Variants in DCUN1D2 observed in about 807,000 individuals in gnomAD.
DCUN1D2 encodes defective in cullin neddylation 1 domain containing 2, also known as DCN1-like protein 2.
Under a neutral mutation model 30.9 loss-of-function variants are expected in DCUN1D2, and 29 were observed. The ratio of observed to expected loss-of-function variants is 0.94; its 90% CI spans 0.70 to 1.28. DCUN1D2 has a LOEUF of 1.28. Ranked by LOEUF, DCUN1D2 falls within the 50% of genes most tolerant of loss-of-function variation. The pLI, the probability that DCUN1D2 is intolerant of heterozygous loss-of-function variation, is 0.00. For synonymous variants in DCUN1D2, 121 were observed against 115.3 expected (o/e 1.05, Z -0.32); for missense variants, 325 against 316.9 (o/e 1.03, Z -0.19).
intron 6 of DCUN1D2, among the ~76,000 whole-genome samples, chr13:113,458,872 G>A (rs2044271433): frequency 1.3e-5 from 2 of 152,300 alleles, no homozygotes; most frequent in South Asian, 2.1e-4. Context: ...CACACAGCAG[G>A]CTCCAAAGGC....
intron 4 of DCUN1D2, 38 bp from the exon 5 acceptor site, chr13:113,461,174 C>T (rs1306345783): frequency 6.8e-6 from 9 of 1,330,354 alleles, no homozygotes; most frequent in Middle Eastern, 1.8e-4. Flanking sequence ...GTAAATCTCA[C>T]TCTCTTTTTC....
At chr13:113,458,409 T>C (rs1367201311) in intron 6 of DCUN1D2, among the ~76,000 whole-genome samples, 1 of 152,140 alleles carries the variant, frequency 6.6e-6, no homozygotes. Flanking sequence ...GGGAGCTAAA[T>C]GGACCCCCGC....
intron 4 of DCUN1D2, among the ~76,000 whole-genome samples, chr13:113,472,214 T>C (rs993863331): frequency 8.6e-5 from 13 of 151,978 alleles, no homozygotes; most frequent in Non-Finnish European, 1.9e-4. Context: ...GAAACACAGC[T>C]GCAATACAGA....
At chr13:113,464,961 C>T (rs1434204405) in intron 4 of DCUN1D2, among the ~76,000 whole-genome samples, 1 of 152,230 alleles carries the variant, frequency 6.6e-6, no homozygotes, top group Non-Finnish European at 1.5e-5. Context: ...CTCCATAATA[C>T]TTTTCTGTAT....
chr13:113,480,870 C>A (rs2065708806), intron 2 of DCUN1D2, 127 bp from the exon 3 acceptor site: 1 of 835,284 alleles, frequency 1.2e-6, no homozygotes, highest in South Asian at 2.0e-5. Flanking sequence ...ATACATCAAT[C>A]AATAGGCTGC....
At chr13:113,472,309 T>C (rs997573452) in intron 4 of DCUN1D2, among the ~76,000 whole-genome samples, 8 of 151,838 alleles carry the variant, frequency 5.3e-5, no homozygotes, top group African/African-American at 1.7e-4. Context: ...AATAAAAAAA[T>C]AAAAAGCCTG....
intron 4 of DCUN1D2, among the ~76,000 whole-genome samples, chr13:113,465,512 A>C (rs1054318813): frequency 6.6e-6 from 1 of 151,344 alleles, no homozygotes; most frequent in African/African-American, 2.4e-5. Context: ...AAAAAAAAAA[A>C]CAAACAAACC....
At chr13:113,480,352 T>A in intron 3 of DCUN1D2, 1 of 409,098 alleles carries the variant, frequency 2.4e-6, no homozygotes. Flanking sequence ...ACAAAAGGGA[T>A]TAATATGAAA....
intron 3 of DCUN1D2, among the ~76,000 whole-genome samples, chr13:113,476,575 T>G (rs2044621576): frequency 6.6e-6 from 1 of 152,240 alleles, no homozygotes; most frequent in Non-Finnish European, 1.5e-5. Context: ...CCAGGAATTT[T>G]TAAAGAACTT....
At position 113,483,829 on chromosome 13, in the gene DCUN1D2, T is replaced by C; in HGVS notation, c.220+11A>G. On this transcript the variant is annotated intron_variant, in intron 2 of 6. Coordinates refer to ENST00000478244, the MANE Select transcript of DCUN1D2 (RefSeq NM_001014283.2). ...CGACATCCGTCCGGCTTTGCTGCAG[T>C]CTCCTCTTACCTTTGTACCTGCCGT... 6.2e-7 allele frequency: 1 copy of C among 1,609,596 alleles called. No homozygotes were observed. Among genetic ancestry groups the C allele is most frequent in the Non-Finnish European group, 8.5e-7 (1 of 1,178,100 alleles).
Position 113,466,801 on chromosome 13 carries a change from ATTTTTTTTT to A in DCUN1D2, c.521-5674_521-5666del, listed in dbSNP as rs112063279. Among the ~76,000 whole-genome samples, 423 of 109,796 alleles carry A rather than the reference ATTTTTTTTT, an allele frequency of 3.9e-3. 1 individual carries two copies. The highest frequency in any genetic ancestry group is 0.013 in the African/African-American group (369 of 28,464). The allele number at this position is 109,796 out of a possible 152,430, so 72.0% of individuals were successfully genotyped here. A position where few individuals can be genotyped will look rare whatever the true frequency, so the allele number is the denominator to read the frequency against. Reference sequence around the variant, plus strand: ...CCCCATTGCTGTCACTGTCCTTTGGATTTTTTTTTTTTTTTTTTTTTTTTTGAGAGAGTC... The same window carrying A: ...CCCCATTGCTGTCACTGTCCTTTGGATTTTTTTTTTTTTTTTGAGAGAGTC... On this transcript the variant is annotated intron_variant, in intron 4 of 6. Coordinates refer to ENST00000478244, the MANE Select transcript of DCUN1D2 (RefSeq NM_001014283.2).
Position 113,474,239 on chromosome 13 carries a change from C to T in DCUN1D2, c.405G>A (p.Glu135=), listed in dbSNP as rs766353562. The T allele has an allele frequency of 1.2e-6, 2 of 1,613,990 alleles. No individual in the cohort carries two copies. The highest frequency in any genetic ancestry group is 2.2e-5 in the South Asian group (2 of 91,078). ...GMTELGCDSM[E]KLKALLPRLE... ...GTCTTGGCAGAAGAGCCTTTAGCTT[C>T]TCCATGCTGTCACACCTGCGATGAC... The change falls in exon 4 of 7, where the codon GAG becomes GAA. Residue 135 remains glutamate (E), a synonymous_variant. Coordinates refer to ENST00000478244, the MANE Select transcript of DCUN1D2 (RefSeq NM_001014283.2).
At chr13:113,467,962 T>A (rs1352966763) in intron 4 of DCUN1D2, among the ~76,000 whole-genome samples, 1 of 150,602 alleles carries the variant, frequency 6.6e-6, no homozygotes, top group African/African-American at 2.4e-5. Flanking sequence ...GAGAATTGCT[T>A]GAACCTGGGA....
intron 4 of DCUN1D2, chr13:113,463,072 T>C: frequency 4.9e-6 from 1 of 205,666 alleles, no homozygotes; most frequent in South Asian, 7.6e-5. Context: ...ATGTTTAATA[T>C]TGTCCTAATG....
In DCUN1D2 at chr13:113,461,054, C is replaced by T; in HGVS notation, c.603G>A (p.Met201Ile). ...CAGCGAGATGCAGGAGGACACTTAC[C>T]ATTAAGAATGTGTTCCAGAGATCTA... Reference protein sequence around the residue: ...KFLDLWNTFLMEHHKRSIPRD... With the variant: ...KFLDLWNTFLIEHHKRSIPRD... Residue 201 changes from methionine (M) to isoleucine (I), a missense_variant and splice_region_variant, in exon 5 of 7, where the codon ATG (methionine) becomes ATA (isoleucine). Coordinates refer to ENST00000478244, the MANE Select transcript of DCUN1D2 (RefSeq NM_001014283.2). 6.3e-7 allele frequency: 1 copy of T among 1,598,922 alleles called. No homozygotes were observed. The highest frequency in any genetic ancestry group is 8.6e-7 in the Non-Finnish European group (1 of 1,167,612).
At chr13:113,483,753 G>A in intron 2 of DCUN1D2, 87 bp downstream of exon 2, 3 of 1,366,114 alleles carry the variant, frequency 2.2e-6, no homozygotes, top group Non-Finnish European at 2.0e-6. Context: ...CCGGAGACCT[G>A]CCCCGGCACC....
chr13:113,459,605 CAG>C, intron 5 of DCUN1D2, 197 bp from the exon 6 acceptor site: 1 of 425,884 alleles, frequency 2.3e-6, no homozygotes. Flanking sequence ...ATATAGAAAG[CAG>C]ATTTATTTAA....
chr13:113,489,095 G>A (rs375529899), intron 1 of DCUN1D2: 41 of 985,062 alleles, frequency 4.2e-5, no homozygotes, highest in Middle Eastern at 5.2e-4. Flanking sequence ...CTTACCCGGG[G>A]CTGGCGGGCC....
intron 6 of DCUN1D2, 47 bp downstream of exon 6, chr13:113,459,265 C>T (rs75570865): frequency 0.028 from 28,652 of 1,037,822 alleles, 646 homozygotes; most frequent in East Asian, 0.1. Flanking sequence ...TTAACGTTCT[C>T]AGGTGTAAGC....
Sources: gnomAD v4.1 joint callset for allele counts (sites outside exome capture counted in the v4.1 genomes callset) on GRCh38, gnomAD v4.1.1 for gene constraint, MANE v1.5 for transcripts, NCBI Gene and HGNC (gene_info 2026-07-23, HGNC 2026-07-21) for gene names.